The following MEFV variants were observed in gnomAD, a reference collection of about 807,000 sequenced individuals.
MEFV encodes pyrin.
A neutral mutation model predicts 62.5 loss-of-function variants in MEFV; 60 were observed. The observed-to-expected ratio is 0.96, with a 90% CI of 0.78 to 1.19. MEFV has a LOEUF of 1.19. Ranked by LOEUF, MEFV falls within the 50% of genes most tolerant of loss-of-function variation. The pLI is 0.00. For synonymous variants in MEFV, 500 were observed against 415.2 expected, an observed-to-expected ratio of 1.20 and a Z score of -2.48; for missense variants, 1,169 against 1,004.5, an observed-to-expected ratio of 1.16 and a Z score of -2.21.
rs759621150 is a variant in MEFV at position 3,246,984 on chromosome 16, G to A, written c.1587+32C>T. The A allele has an allele frequency of 3.1e-6, 5 of 1,600,410 alleles. No homozygotes were observed. In the South Asian group the frequency reaches 4.4e-5, roughly 14 times the overall value. On this transcript the variant is annotated intron_variant, in intron 5 of 9. Transcript: ENST00000219596. ...CTGAGGCATCCTGATAGGCACAGGG[G>A]ACCCAAGAAAGCCGGGCCCAGGCAC... is the stretch of plus-strand genomic sequence containing the variant.
rs224205 is a variant in MEFV at position 3,246,616 on chromosome 16, C to T, written c.1588-69G>A. 766,300 of 1,580,892 alleles carry T rather than the reference C, an allele frequency of 0.48. 187,457 individuals carry two copies. Among genetic ancestry groups the T allele is most frequent in the Admixed American group, 0.62 (36,589 of 59,392 alleles). ...TGGCTGGGCTGACTCCTGGCCTCTA[C>T]TTCTGGGCTCCTGGACTTTTAGCTC... On this transcript the variant is annotated intron_variant, in intron 5 of 9. Transcript: ENST00000219596.
chr16:3,248,833 A>C (rs1958984845), intron 4 of MEFV, 76 bp downstream of exon 4: 1 of 1,608,972 alleles, frequency 6.2e-7, no homozygotes, highest in African/African-American at 1.3e-5. Flanking sequence ...ACCACAGCAG[A>C]ATCTCGGGGA....
Position 3,246,474 on chromosome 16 carries a change from C to T in MEFV, c.1610+51G>A, listed in dbSNP as rs772895338. Reference sequence around the variant, plus strand: ...AGGTCCCTTCTGGGACTGTCTCCCCCATATGCTTTCTGCAAGACACCCCAG... The same window carrying T: ...AGGTCCCTTCTGGGACTGTCTCCCCTATATGCTTTCTGCAAGACACCCCAG... On this transcript the variant is annotated intron_variant, in intron 6 of 9. Transcript: ENST00000219596. 5 of 1,610,288 alleles carry T rather than the reference C, an allele frequency of 3.1e-6. 1 individual carries two copies. The highest frequency in any genetic ancestry group is 3.4e-6 in the Non-Finnish European group (4 of 1,176,678).
Position 3,248,771 on chromosome 16 carries a change from C to T in MEFV, c.1356+138G>A, listed in dbSNP as rs554136950. The T allele has an allele frequency of 7.4e-5, 116 of 1,571,882 alleles. No homozygotes were observed. The African/African-American group carries it at 1.4e-3, about 19-fold the overall frequency. ...ACAGGGATGAGCTTACCCTTGGCTGCTGGTTACCCTCTGTCCCCTGAGAGG... is the reference window on the plus strand; with the variant it reads ...ACAGGGATGAGCTTACCCTTGGCTGTTGGTTACCCTCTGTCCCCTGAGAGG... On this transcript the variant is annotated intron_variant, in intron 4 of 9. Coordinates refer to ENST00000219596, the MANE Select transcript of MEFV (RefSeq NM_000243.3).
chr16:3,243,615 G>C lies in MEFV; in HGVS notation c.1872C>G (p.Asn624Lys), dbSNP rs1161459811. 2.5e-6 allele frequency: 4 copies of C among 1,599,156 alleles called. No homozygotes were observed. The highest frequency in any genetic ancestry group is 3.4e-6 in the Non-Finnish European group (4 of 1,171,748). ...SDDLKSVRLG[N>K]KWERLPDGPQ... ...GGCCATCAGGCAGCCTCTCCCACTT[G>C]TTTCCAAGTCTAACACTCTTCAGAT... The change falls in exon 10 of 10, where the codon AAC becomes AAG. Residue 624 changes from asparagine to lysine, a missense_variant. Coordinates refer to ENST00000219596, the MANE Select transcript of MEFV (RefSeq NM_000243.3).
chr16:3,249,218 A>C (rs1329920289), intron 3 of MEFV, among the ~76,000 whole-genome samples: 1 of 152,222 alleles, frequency 6.6e-6, no homozygotes, highest in East Asian at 1.9e-4. Context: ...CTCTGGATTC[A>C]GCCATACCTG....
intron 2 of MEFV, among the ~76,000 whole-genome samples, chr16:3,253,327 G>C (rs1278915993): frequency 6.6e-6 from 1 of 152,104 alleles, no homozygotes; most frequent in Non-Finnish European, 1.5e-5. Flanking sequence ...GACAGCGCCT[G>C]CACATATGGA....
At position 3,256,533 on chromosome 16, in the gene MEFV, A is replaced by C. The variant is rs879739051; in HGVS notation, c.55T>G (p.Tyr19Asp). The change falls in exon 1 of 10, where the codon TAT becomes GAT. Residue 19 changes from tyrosine to aspartate, a missense_variant. By Grantham distance (160) the Tyr-to-Asp change is radical. Coordinates refer to ENST00000219596, the MANE Select transcript of MEFV (RefSeq NM_000243.3). Reference protein sequence around the residue: ...LLSTLEELVPYDFEKFKFKLQ... With the variant: ...LLSTLEELVPDDFEKFKFKLQ... ...TTGAACTTGAACTTCTCGAAGTCATAGGGCACCAGCTCCTCCAGGGTGGAC... is the reference window on the plus strand; with the variant it reads ...TTGAACTTGAACTTCTCGAAGTCATCGGGCACCAGCTCCTCCAGGGTGGAC... 2.5e-6 allele frequency: 4 copies of C among 1,614,062 alleles called. No individual in the cohort carries two copies. The highest frequency in any genetic ancestry group is 1.3e-5 in the African/African-American group (1 of 74,914).
intron 5 of MEFV, 34 bp downstream of exon 5, chr16:3,246,982 G>A (rs763090897): frequency 1.3e-6 from 2 of 1,597,928 alleles, no homozygotes; most frequent in Non-Finnish European, 8.6e-7. Flanking sequence ...ATAGGCACAG[G>A]GGACCCAAGA....
Position 3,246,580 on chromosome 16 carries a change from C to G in MEFV, c.1588-33G>C, listed in dbSNP as rs200674279. The G allele has an allele frequency of 1.7e-3, 2,793 of 1,613,952 alleles. 4 individuals carry two copies. Among genetic ancestry groups the G allele is most frequent in the Non-Finnish European group, 1.9e-3 (2,222 of 1,179,916 alleles). ...AAAAAAGAAGGAAACTGTCGGTTAC[C>G]AGGCTCCTAGTGGCTGGGCTGACTC... On this transcript the variant is annotated intron_variant, in intron 5 of 9. Transcript: ENST00000219596.
chr16:3,253,171 T>A (rs1205202851), intron 2 of MEFV, among the ~76,000 whole-genome samples: 1 of 151,826 alleles, frequency 6.6e-6, no homozygotes, highest in Non-Finnish European at 1.5e-5. Flanking sequence ...GAAGTTAAGA[T>A]CAGAGCAAAA....
At chr16:3,249,298 T>G in intron 3 of MEFV, 133 bp downstream of exon 3, 1 of 843,778 alleles carries the variant, frequency 1.2e-6, no homozygotes, top group Non-Finnish European at 1.9e-6. Flanking sequence ...CTGGTTTATA[T>G]TGTGTTCTTG....
Position 3,243,676 on chromosome 16 carries a change from G to T in MEFV, c.1811C>A (p.Ala604Glu). The T allele has an allele frequency of 6.2e-7, 1 of 1,608,426 alleles. No homozygotes were observed. Among genetic ancestry groups the T allele is most frequent in the East Asian group, 2.2e-5 (1 of 44,824 alleles). ...QAHAVNVILD[A>E]ETAYPNLIFS... Reference sequence around the variant, plus strand: ...GATGAGGTTGGGGTAAGCGGTTTCTGCATCCAGAATCACATTAACTGCAAA... The same window carrying T: ...GATGAGGTTGGGGTAAGCGGTTTCTTCATCCAGAATCACATTAACTGCAAA... Residue 604 changes from alanine to glutamate, a missense_variant, in exon 10 of 10, where the codon GCA becomes GAA. Ala to Glu is a moderately radical substitution (Grantham distance 107, BLOSUM62 -1). Transcript: ENST00000219596.
intron 4 of MEFV, 162 bp from the exon 5 acceptor site, chr16:3,247,408 C>T (rs1958959124): frequency 4.8e-6 from 3 of 625,768 alleles, no homozygotes; most frequent in Non-Finnish European, 8.4e-6. Flanking sequence ...TGTCTGGAAC[C>T]TTCCAGAAAA....
At position 3,254,676 on chromosome 16, in the gene MEFV, CCGTTCCCCT is replaced by C. The variant is rs104895121; in HGVS notation, c.383_391del (p.Glu128_Asn130del). On this transcript the variant is annotated inframe_deletion, in exon 2 of 10. Coordinates refer to ENST00000219596, the MANE Select transcript of MEFV (RefSeq NM_000243.3). Reference sequence around the variant, plus strand: ...AGCTCCGCCCCCGTACGGCCGAGGGCCGTTCCCCTCGTTCCCCTCGGGGTGGTCTGGAGT... The same window carrying C: ...AGCTCCGCCCCCGTACGGCCGAGGGCCGTTCCCCTCGGGGTGGTCTGGAGT... 3 of 1,612,166 alleles carry C rather than the reference CCGTTCCCCT, an allele frequency of 1.9e-6. No homozygotes were observed. The highest frequency in any genetic ancestry group is 1.3e-5 in the African/African-American group (1 of 75,066).
At chr16:3,246,826 C>A (rs1042762459) in intron 5 of MEFV, among the ~76,000 whole-genome samples, 190 bp downstream of exon 5, 5 of 152,212 alleles carry the variant, frequency 3.3e-5, no homozygotes, top group Admixed American at 2.0e-4. Context: ...CCAGGCCACC[C>A]TGGGCTCCTG....
chr16:3,254,227 G>A lies in MEFV; in HGVS notation c.841C>T (p.Pro281Ser), dbSNP rs1404384520. 1.2e-6 allele frequency: 2 copies of A among 1,614,136 alleles called. No homozygotes were observed. Among genetic ancestry groups the A allele is most frequent in the East Asian group, 2.2e-5 (1 of 44,896 alleles). Reference sequence around the variant, plus strand: ...GCAGATGCCCCTCCATCCGGAGTGGGCCTTGCCCGGGGTTCTGTTGCCGAG... The same window carrying A: ...GCAGATGCCCCTCCATCCGGAGTGGACCTTGCCCGGGGTTCTGTTGCCGAG... ...LDSATEPRAR[P>S]TPDGGASADL... Residue 281 changes from proline (P) to serine (S), a missense_variant, in exon 2 of 10, where the codon CCC (proline) becomes TCC (serine). By Grantham distance (74) the Pro-to-Ser change is moderately conservative. Transcript: ENST00000219596.
intron 5 of MEFV, 107 bp downstream of exon 5, chr16:3,246,909 T>C (rs1958950749): frequency 9.1e-7 from 1 of 1,104,448 alleles, no homozygotes; most frequent in Non-Finnish European, 1.4e-6. Flanking sequence ...TCCTAGGCCT[T>C]AGGGGCTTCA....
In MEFV at chr16:3,244,371, A is replaced by G. The variant is rs1347332114; in HGVS notation, c.1727-85T>C. 4 of 1,607,262 alleles carry G rather than the reference A, an allele frequency of 2.5e-6. No homozygotes were observed. The African/African-American group carries it at 5.4e-5, about 21-fold the overall frequency. ...ATGGAGGAGAGGTTGAAGGCAGGTC[A>G]GCAAGACCAGGGGAAGAGGAGGGAA... On this transcript the variant is annotated intron_variant, in intron 7 of 9. Coordinates refer to ENST00000219596, the MANE Select transcript of MEFV (RefSeq NM_000243.3).
Sources: gnomAD v4.1 joint callset for allele counts (sites outside exome capture counted in the v4.1 genomes callset) on GRCh38, gnomAD v4.1.1 for gene constraint, MANE v1.5 for transcripts, NCBI Gene and HGNC (gene_info 2026-07-23, HGNC 2026-07-21) for gene names.